AFF2: variants seen among roughly 807,000 people sequenced by gnomAD.
AFF2 encodes the protein ALF transcription elongation factor 2.
In AFF2, 14 loss-of-function variants were observed where a neutral mutation model predicts 76.9. The ratio of observed to expected loss-of-function variants is 0.18; its 90% confidence interval spans 0.12 to 0.28. AFF2 has a LOEUF of 0.28. AFF2 is among the 10% of genes least tolerant of loss of function. The probability of loss-of-function intolerance (pLI) is 1.00; values close to 1 mark genes in which losing one functional copy is unlikely to be tolerated. For synonymous variants in AFF2, 398 were observed against 366.7 expected (o/e 1.09, Z -0.98); for missense variants, 868 against 1,001.1 (o/e 0.87, Z 1.79).
In AFF2 at chrX:148,662,600, C is replaced by G; in HGVS notation, c.873C>G (p.Pro291=). 2 of 1,211,548 alleles carry G rather than the reference C, an allele frequency of 1.7e-6. No individual in the cohort carries two copies. Among genetic ancestry groups the G allele is most frequent in the Non-Finnish European group, 2.2e-6 (2 of 895,501 alleles). ...GQQKPTAYVR[P]MDGQDQAPDI... ...AAAAGCCAACTGCATACGTCAGACC[C>G]ATGGATGGCCAGGACCAGGCACCGG... Residue 291 remains proline, a synonymous_variant, in exon 3 of 21, where the codon CCC becomes CCG. Transcript: ENST00000370460.
chrX:148,527,279 T>C (rs1312473334), intron 1 of AFF2, among the ~76,000 whole-genome samples: 4 of 111,808 alleles, frequency 3.6e-5, no homozygotes, highest in Non-Finnish European at 7.5e-5. Flanking sequence ...TAAACCCAAA[T>C]TGAGGCACAT....
chrX:148,655,592 G>A (rs1557256972), intron 2 of AFF2, among the ~76,000 whole-genome samples: 1 of 111,795 alleles, frequency 8.9e-6, no homozygotes, highest in African/African-American at 3.3e-5. Context: ...TTGTTCTTAA[G>A]TCAAAACTGT....
chrX:148,731,846 G>A (rs1297127440), intron 3 of AFF2, among the ~76,000 whole-genome samples: 2 of 84,027 alleles, frequency 2.4e-5, no homozygotes, highest in Middle Eastern at 5.1e-3. Flanking sequence ...CTGGCCATCA[G>A]AGAAATGCAA....
At chrX:148,886,099 G>A in intron 8 of AFF2, 114 bp downstream of exon 8, 1 of 575,901 alleles carries the variant, frequency 1.7e-6, no homozygotes, top group Non-Finnish European at 2.9e-6. Flanking sequence ...TCTGGGCTTT[G>A]GAGAGAGGGA....
chrX:148,750,788 T>A (rs1159171980), intron 3 of AFF2, among the ~76,000 whole-genome samples: 1 of 112,171 alleles, frequency 8.9e-6, no homozygotes, highest in Non-Finnish European at 1.9e-5. Flanking sequence ...ACTGGAGAAC[T>A]GAGTACAGTG....
chrX:148,533,535 G>C (rs989376728), intron 1 of AFF2, among the ~76,000 whole-genome samples: 2 of 111,191 alleles, frequency 1.8e-5, no homozygotes, highest in Non-Finnish European at 3.8e-5. Flanking sequence ...CTCGTGATCC[G>C]CCTGCATCGG....
Position 148,773,343 on chromosome X carries a change from A to G in AFF2, c.1042-36533A>G, listed in dbSNP as rs782207658. 6.3e-5 allele frequency among the ~76,000 whole-genome samples: 7 copies of G among 110,969 alleles called. No homozygotes were observed. In the South Asian group the frequency reaches 2.7e-3, roughly 42 times the overall value. On this transcript the variant is annotated intron_variant, in intron 3 of 20. Coordinates refer to ENST00000370460, the MANE Select transcript of AFF2 (RefSeq NM_002025.4). ...ATTAGTGCAGGGAGGTCTGAAAATA[A>G]TAGTGACTATATATTTCATTGTGGT...
chrX:148,556,423 C>T (rs1245774487), intron 1 of AFF2, among the ~76,000 whole-genome samples: 1 of 111,711 alleles, frequency 9.0e-6, no homozygotes, highest in East Asian at 2.8e-4. Flanking sequence ...TTTAACCCTG[C>T]GTGGAGTAAG....
chrX:148,894,513 G>A (rs1360560070), intron 8 of AFF2, among the ~76,000 whole-genome samples: 1 of 111,602 alleles, frequency 9.0e-6, no homozygotes, highest in Non-Finnish European at 1.9e-5. Context: ...TGGATGGGCG[G>A]AAAAAAGAAA....
chrX:148,507,914 G>A (rs1557232684), intron 1 of AFF2, among the ~76,000 whole-genome samples: 3 of 112,076 alleles, frequency 2.7e-5, no homozygotes. Flanking sequence ...ATTATGGATT[G>A]CTTACTTTAT....
At chrX:148,941,387 G>A (rs1301741476) in intron 9 of AFF2, among the ~76,000 whole-genome samples, 2 of 111,850 alleles carry the variant, frequency 1.8e-5, no homozygotes, top group Non-Finnish European at 3.8e-5. Flanking sequence ...ATCAACTAGA[G>A]AGGGAGTTGA....
chrX:148,684,718 G>A (rs1359615767), intron 3 of AFF2, among the ~76,000 whole-genome samples: 3 of 112,349 alleles, frequency 2.7e-5, no homozygotes, highest in African/African-American at 9.7e-5. Flanking sequence ...AAGTATCAAT[G>A]TGAAGAATAA....
intron 7 of AFF2, among the ~76,000 whole-genome samples, chrX:148,884,379 G>A (rs529268827): frequency 7.1e-5 from 8 of 112,021 alleles, no homozygotes; most frequent in Middle Eastern, 4.6e-3. Flanking sequence ...GCTTTTTTTG[G>A]AGAGTTATTG....
intron 1 of AFF2, among the ~76,000 whole-genome samples, chrX:148,537,783 T>C (rs1025717758): frequency 9.0e-6 from 1 of 111,331 alleles, no homozygotes; most frequent in African/African-American, 3.3e-5. Flanking sequence ...ATGCTGCCCC[T>C]TTGTTCTGTC....
chrX:148,904,397 C>T, intron 9 of AFF2, 139 bp downstream of exon 9: 2 of 428,983 alleles, frequency 4.7e-6, no homozygotes, highest in South Asian at 3.8e-5. Context: ...CAAAACAAGC[C>T]AAAAAAATCC....
At chrX:148,534,882 A>T in intron 1 of AFF2, among the ~76,000 whole-genome samples, 1 of 111,997 alleles carries the variant, frequency 8.9e-6, no homozygotes, top group South Asian at 3.7e-4. Flanking sequence ...TCTAAATCAC[A>T]TATCCAATCT....
At chrX:148,961,627 T>C (rs189471099) in intron 12 of AFF2, among the ~76,000 whole-genome samples, 2 of 112,060 alleles carry the variant, frequency 1.8e-5, no homozygotes, top group African/African-American at 6.5e-5. Context: ...GGAGTCTGCA[T>C]TGACTTCTAT....
At chrX:148,953,490 C>A in intron 9 of AFF2, 90 bp from the exon 10 acceptor site, 1 of 1,011,184 alleles carries the variant, frequency 9.9e-7, no homozygotes, top group Non-Finnish European at 1.3e-6. Flanking sequence ...ACCTGCATTT[C>A]ACAGACCACA....
Position 148,994,784 on chromosome X carries a change from A to C in AFF2, c.*3452A>C, listed in dbSNP as rs1414023164. The C allele has an allele frequency of 8.9e-6, 1 of 111,960 alleles. No individual in the cohort carries two copies. The highest frequency in any genetic ancestry group is 3.3e-5 in the African/African-American group (1 of 30,696). 9.2% of individuals were successfully genotyped at this position (111,960 alleles called of 1,213,427 possible). ...TGTTTCATGCAAATTTGCATCCCGG[A>C]GGTTGAAGTTGGAGTTTGAGGTTGG... On this transcript the variant is annotated 3_prime_UTR_variant, in exon 21 of 21. Coordinates refer to ENST00000370460, the MANE Select transcript of AFF2 (RefSeq NM_002025.4).
Sources: allele counts gnomAD v4.1 joint callset (sites outside exome capture counted in the v4.1 genomes callset), GRCh38; gene constraint gnomAD v4.1.1; transcripts MANE v1.5; gene names NCBI Gene and HGNC (gene_info 2026-07-23, HGNC 2026-07-21).